Variants in FOXP1 observed in about 807,000 individuals in gnomAD.
The protein encoded by FOXP1 is forkhead box P1.
Under a neutral mutation model 98.2 loss-of-function variants are expected in FOXP1, and 15 were observed. The observed-to-expected ratio is 0.15, with a 90% CI of 0.10 to 0.24. The LOEUF is 0.24. FOXP1 is among the 10% of genes least tolerant of loss of function. FOXP1 has a pLI of 1.00. For synonymous variants in FOXP1, 371 were observed against 314.5 expected (o/e 1.18, Z -1.90); for missense variants, 633 against 848.5 (o/e 0.75, Z 3.15).
At chr3:71,309,919 T>C (rs915732621) in intron 4 of FOXP1, among the ~76,000 whole-genome samples, 1 of 151,684 alleles carries the variant, frequency 6.6e-6, no homozygotes, top group Non-Finnish European at 1.5e-5. Flanking sequence ...GATGTGGACA[T>C]AAAAAAAAAT....
intron 6 of FOXP1, among the ~76,000 whole-genome samples, chr3:71,163,130 C>G (rs558085357): frequency 2.0e-3 from 310 of 152,308 alleles, no homozygotes; most frequent in African/African-American, 7.1e-3. Context: ...CAAAACGATG[C>G]ACGTGAATAA....
At chr3:71,038,199 AC>A (rs1325007485) in intron 11 of FOXP1, among the ~76,000 whole-genome samples, 4 of 152,180 alleles carry the variant, frequency 2.6e-5, no homozygotes, top group Non-Finnish European at 5.9e-5. Context: ...TAGCCATCTC[AC>A]TACTTTGAAA....
chr3:71,416,595 CA>C (rs1411335050), intron 3 of FOXP1, among the ~76,000 whole-genome samples: 27 of 136,000 alleles, frequency 2.0e-4, no homozygotes, highest in East Asian at 1.2e-3. Context: ...CACACACACG[CA>C]AAAAAAAATG....
At chr3:71,440,648 G>T (rs1253983631) in intron 3 of FOXP1, among the ~76,000 whole-genome samples, 1 of 150,866 alleles carries the variant, frequency 6.6e-6, no homozygotes, top group Admixed American at 6.6e-5. Context: ...GTGAGCCAAG[G>T]TCGTGCCACT....
At position 70,978,040 on chromosome 3, in the gene FOXP1, A is replaced by AAAAACAACGTCTTAG. The variant is rs1553668927; in HGVS notation, c.1147-26_1147-12dup. 2 of 1,613,046 alleles carry AAAAACAACGTCTTAG rather than the reference A, an allele frequency of 1.2e-6. No individual in the cohort carries two copies. The highest frequency in any genetic ancestry group is 1.7e-6 in the Non-Finnish European group (2 of 1,179,122). On this transcript the variant is annotated splice_polypyrimidine_tract_variant and intron_variant, in intron 14 of 20. Coordinates refer to ENST00000649528, the MANE Select transcript of FOXP1 (RefSeq NM_001349338.3). ...TGATACCAGATTCAACTGCAAGGAAAAAAACAACGTCTTAGAAGACCTTCA... is the reference window on the plus strand; with the variant it reads ...TGATACCAGATTCAACTGCAAGGAAAAAAACAACGTCTTAGAAAACAACGTCTTAGAAGACCTTCA...
intron 5 of FOXP1, among the ~76,000 whole-genome samples, chr3:71,274,504 G>C (rs2070703840): frequency 6.6e-6 from 1 of 152,116 alleles, no homozygotes; most frequent in East Asian, 1.9e-4. Flanking sequence ...GAGCAGAGGG[G>C]AGAAATGCAA....
chr3:71,276,783 T>C (rs531635938), intron 5 of FOXP1, among the ~76,000 whole-genome samples: 6 of 152,040 alleles, frequency 3.9e-5, no homozygotes, highest in African/African-American at 1.4e-4. Context: ...TTCTAGGTGT[T>C]TGAGACTAAT....
At chr3:71,461,878 C>T (rs1162126833) in intron 3 of FOXP1, among the ~76,000 whole-genome samples, 11 of 149,622 alleles carry the variant, frequency 7.4e-5, no homozygotes, top group African/African-American at 2.5e-4. Flanking sequence ...TGTAAAGTTA[C>T]CCCATCAAGA....
At chr3:71,284,425 C>T (rs72955206) in intron 5 of FOXP1, among the ~76,000 whole-genome samples, 2,104 of 152,166 alleles carry the variant, frequency 0.014, 59 homozygotes, top group African/African-American at 0.048. Flanking sequence ...ATTAGCTGGA[C>T]ATGGTGTGTG....
chr3:71,088,800 A>T (rs527383325), intron 7 of FOXP1, among the ~76,000 whole-genome samples: 2 of 152,324 alleles, frequency 1.3e-5, no homozygotes, highest in South Asian at 4.1e-4. Context: ...TTAGGGGGAA[A>T]CGCTGGAGGA....
chr3:71,330,150 C>T (rs548056052), intron 4 of FOXP1, among the ~76,000 whole-genome samples: 3 of 152,222 alleles, frequency 2.0e-5, no homozygotes, highest in Non-Finnish European at 2.9e-5. Flanking sequence ...CACAATATCA[C>T]TTCTCAGGCT....
rs1040075241 is a variant in FOXP1 at position 71,177,828 on chromosome 3, T to TTTTC, written c.180+20370_180+20373dup. ...CTAATAATACTGATAGTTTATTTTC[T>TTTTC]TTTCTTTCTTTCTTTTTTTTTTTTT... On this transcript the variant is annotated intron_variant, in intron 6 of 20. Transcript: ENST00000649528. Among the ~76,000 whole-genome samples, 6 of 135,436 alleles carry TTTTC rather than the reference T, an allele frequency of 4.4e-5. No individual in the cohort carries two copies. The South Asian group carries it at 9.0e-4, about 20-fold the overall frequency. The allele number at this position is 135,436 out of a possible 152,430, so 88.9% of individuals were successfully genotyped here. A position where few individuals can be genotyped will look rare whatever the true frequency, so the allele number is the denominator to read the frequency against.
At chr3:71,282,258 T>C (rs191397596) in intron 5 of FOXP1, among the ~76,000 whole-genome samples, 46 of 152,278 alleles carry the variant, frequency 3.0e-4, no homozygotes, top group African/African-American at 1.1e-3. Context: ...AAATCATTTC[T>C]TTTTACTTAG....
chr3:71,425,763 A>C (rs2084103090), intron 3 of FOXP1, among the ~76,000 whole-genome samples: 1 of 152,126 alleles, frequency 6.6e-6, no homozygotes, highest in Admixed American at 6.5e-5. Context: ...ACTGAAAAAG[A>C]CATGAGATTT....
rs55747148 is a variant in FOXP1, at chr3:71,190,638, CAAAAAAAAAA to C, written c.180+7554_180+7563del. ...GGGTGACCGAGCTAGACCCCATCTC[CAAAAAAAAAA>C]AAAAAAAAAAAAAGAAAAAGTTAAA... On this transcript the variant is annotated intron_variant, in intron 6 of 20. Transcript: ENST00000649528. Among the ~76,000 whole-genome samples the C allele has an allele frequency of 5.7e-4, 25 of 43,512 alleles. 1 individual carries two copies. The highest frequency in any genetic ancestry group is 2.3e-3 in the African/African-American group (24 of 10,506). The allele number at this position is 43,512 out of a possible 152,430, so 28.5% of individuals were successfully genotyped here.
intron 6 of FOXP1, among the ~76,000 whole-genome samples, chr3:71,154,550 G>A (rs1448540307): frequency 6.6e-6 from 1 of 152,186 alleles, no homozygotes; most frequent in East Asian, 1.9e-4. Flanking sequence ...TTCATTCACT[G>A]TTGGTTCTTT....
chr3:71,154,977 T>A (rs998668603), intron 6 of FOXP1, among the ~76,000 whole-genome samples: 1 of 152,206 alleles, frequency 6.6e-6, no homozygotes, highest in Non-Finnish European at 1.5e-5. Flanking sequence ...AAATGTCTCA[T>A]AATATTACTG....
intron 6 of FOXP1, among the ~76,000 whole-genome samples, chr3:71,146,900 A>T (rs963796494): frequency 1.3e-5 from 2 of 152,212 alleles, no homozygotes; most frequent in South Asian, 4.1e-4. Context: ...AGCGCGGGGA[A>T]CAATGTTAAG....
At chr3:71,213,016 G>T (rs1462721210) in intron 5 of FOXP1, among the ~76,000 whole-genome samples, 1 of 151,788 alleles carries the variant, frequency 6.6e-6, no homozygotes, top group Non-Finnish European at 1.5e-5. Context: ...TTTCGTATTT[G>T]TAGCTTCCCA....
Sources: allele counts gnomAD v4.1 joint callset (sites outside exome capture counted in the v4.1 genomes callset), GRCh38; gene constraint gnomAD v4.1.1; transcripts MANE v1.5; gene names NCBI Gene and HGNC (gene_info 2026-07-23, HGNC 2026-07-21).